Variants in SGPL1 observed in about 807,000 individuals in gnomAD.
SGPL1 encodes the protein SP-lyase 1.
Under a neutral mutation model 68.9 loss-of-function variants are expected in SGPL1, and 37 were observed. The ratio of observed to expected loss-of-function variants is 0.54; its 90% CI spans 0.41 to 0.71. SGPL1 has a LOEUF of 0.71. Among genes scored for constraint, SGPL1 ranks in the 30% least tolerant of loss-of-function variants. The probability of loss-of-function intolerance (pLI) is 0.00; values close to 1 mark genes in which losing one functional copy is unlikely to be tolerated. For missense variants in SGPL1, 551 were observed against 704.6 expected (o/e 0.78, Z 2.47); for synonymous variants, 236 against 248.5 (o/e 0.95, Z 0.47).
intron 13 of SGPL1, among the ~76,000 whole-genome samples, chr10:70,875,850 G>A (rs1011386377): frequency 2.0e-5 from 3 of 152,134 alleles, no homozygotes; most frequent in Non-Finnish European, 2.9e-5. Flanking sequence ...CCATCAAATT[G>A]CTCTTATAAA....
rs74961567 is a variant in SGPL1 at position 70,854,580 on chromosome 10, T to C, written c.262-128T>C. On this transcript the variant is annotated intron_variant, in intron 4 of 14. Coordinates refer to ENST00000373202, the MANE Select transcript of SGPL1 (RefSeq NM_003901.4). ...CAGTCAGAATATCACCATATATCTT[T>C]AGGAAAAATGTTAGTTTAGTTACTT... 1.5e-3 allele frequency: 1,101 copies of C among 741,080 alleles called. 11 individuals are homozygous for C. The African/African-American group carries it at 0.015, about 10-fold the overall frequency. 45.9% of individuals were successfully genotyped at this position (741,080 alleles called of 1,614,324 possible).
intron 2 of SGPL1, among the ~76,000 whole-genome samples, chr10:70,831,729 A>C (rs1409297681): frequency 6.6e-6 from 1 of 152,114 alleles, no homozygotes; most frequent in Admixed American, 6.5e-5. Context: ...GCTTAGTTAC[A>C]TAGGCATGAT....
At chr10:70,871,723 G>A in intron 10 of SGPL1, 114 bp from the exon 11 acceptor site, 1 of 887,798 alleles carries the variant, frequency 1.1e-6, no homozygotes, top group Non-Finnish European at 1.7e-6. Flanking sequence ...AAACATGGGA[G>A]GCATAATACA....
At chr10:70,860,576 G>A in intron 7 of SGPL1, 1 of 393,564 alleles carries the variant, frequency 2.5e-6, no homozygotes, top group South Asian at 2.0e-5. Context: ...AGGTGAACAG[G>A]GTGACTTTCA....
chr10:70,862,597 G>A (rs1589468892), intron 7 of SGPL1, among the ~76,000 whole-genome samples: 1 of 152,136 alleles, frequency 6.6e-6, no homozygotes, highest in Non-Finnish European at 1.5e-5. Context: ...GCTTTTATGA[G>A]CTGTGACACT....
chr10:70,844,589 G>T lies in SGPL1; in HGVS notation c.144G>T (p.Val48=), dbSNP rs754308801. The T allele has an allele frequency of 3.0e-5, 49 of 1,614,146 alleles. No individual in the cohort carries two copies. The highest frequency in any genetic ancestry group is 4.1e-5 in the Non-Finnish European group (48 of 1,180,020). Residue 48 remains valine, a synonymous_variant, in exon 3 of 15, where the codon GTG becomes GTT. Coordinates refer to ENST00000373202, the MANE Select transcript of SGPL1 (RefSeq NM_003901.4). ...EPWQLIAWSV[V]WTLLIVWGYE... is the part of the protein sequence containing the mutation. ...GGCAGCTAATTGCATGGAGTGTCGTGTGGACCCTGCTGATAGTCTGGGGAT... is the reference window on the plus strand; with the variant it reads ...GGCAGCTAATTGCATGGAGTGTCGTTTGGACCCTGCTGATAGTCTGGGGAT...
intron 2 of SGPL1, among the ~76,000 whole-genome samples, chr10:70,841,841 ATCT>A (rs1845719190): frequency 6.6e-6 from 1 of 152,182 alleles, no homozygotes; most frequent in South Asian, 2.1e-4. Context: ...TTCTCAAAAC[ATCT>A]TCTACCTTTT....
rs1274934167 is a variant in SGPL1, at chr10:70,879,043, TCTC to T, written c.*1712_*1714del. 3 of 152,748 alleles carry T rather than the reference TCTC, an allele frequency of 2.0e-5. No individual in the cohort carries two copies. The highest frequency in any genetic ancestry group is 4.8e-5 in the African/African-American group (2 of 41,416). 9.5% of individuals were successfully genotyped at this position (152,748 alleles called of 1,614,324 possible). ...CTTATGACATTATATCTTGTGCCTT[TCTC>T]CTCAGCAGTGAGCAGTGAGCTACTC... On this transcript the variant is annotated 3_prime_UTR_variant, in exon 15 of 15. Transcript: ENST00000373202.
chr10:70,873,136 C>T (rs771026520), intron 11 of SGPL1, among the ~76,000 whole-genome samples: 2 of 152,228 alleles, frequency 1.3e-5, no homozygotes, highest in Admixed American at 6.5e-5. Context: ...CCCTGGGTCT[C>T]AGATTCCTCA....
intron 2 of SGPL1, among the ~76,000 whole-genome samples, chr10:70,838,525 CT>C (rs1845664477): frequency 1.3e-5 from 2 of 152,272 alleles, no homozygotes; most frequent in Admixed American, 1.3e-4. Context: ...GCTCATATTC[CT>C]GACCTCACAA....
intron 2 of SGPL1, among the ~76,000 whole-genome samples, chr10:70,833,517 T>G (rs1417355555): frequency 6.6e-6 from 1 of 152,224 alleles, no homozygotes; most frequent in Non-Finnish European, 1.5e-5. Flanking sequence ...TTGTGATGTG[T>G]TTTTGATGAT....
intron 3 of SGPL1, among the ~76,000 whole-genome samples, chr10:70,848,086 TTCA>T (rs1360219998): frequency 1.3e-5 from 2 of 152,374 alleles, no homozygotes; most frequent in East Asian, 1.9e-4. Context: ...TTGTCCATAA[TTCA>T]TCAACAGAAA....
At chr10:70,834,823 G>A (rs1469144683) in intron 2 of SGPL1, among the ~76,000 whole-genome samples, 3 of 152,182 alleles carry the variant, frequency 2.0e-5, no homozygotes, top group African/African-American at 7.2e-5. Context: ...GGAAAACTAG[G>A]CAGTGGAAAA....
intron 2 of SGPL1, among the ~76,000 whole-genome samples, chr10:70,839,601 A>G (rs1316804237): frequency 6.6e-6 from 1 of 152,172 alleles, no homozygotes; most frequent in Non-Finnish European, 1.5e-5. Context: ...ACAGTAAGCT[A>G]GTGGCCTTTG....
chr10:70,861,369 C>CT (rs1189512166), intron 7 of SGPL1, among the ~76,000 whole-genome samples: 1 of 152,222 alleles, frequency 6.6e-6, no homozygotes. Flanking sequence ...GTTAGGACAA[C>CT]TGATACTCAA....
chr10:70,871,242 T>C (rs999042492), intron 10 of SGPL1, 96 bp downstream of exon 10: 48 of 786,370 alleles, frequency 6.1e-5, no homozygotes, highest in Non-Finnish European at 9.4e-5. Flanking sequence ...GATTTTTTTT[T>C]TGTTTTTGAC....
chr10:70,873,227 G>A, intron 11 of SGPL1, 124 bp from the exon 12 acceptor site: 1 of 769,268 alleles, frequency 1.3e-6, no homozygotes, highest in East Asian at 2.5e-5. Flanking sequence ...CTTAATGTGA[G>A]TGGGAAACAT....
intron 8 of SGPL1, chr10:70,869,403 C>T (rs1395139723): frequency 1.3e-5 from 2 of 154,848 alleles, no homozygotes; most frequent in Non-Finnish European, 2.9e-5. Flanking sequence ...TGCCGGGAAG[C>T]CTTCTTCTCA....
chr10:70,877,228 G>T lies in SGPL1; in HGVS notation c.1600G>T (p.Asp534Tyr). 1 of 1,614,206 alleles carries T rather than the reference G, an allele frequency of 6.2e-7. No homozygotes were observed. The change falls in exon 15 of 15, where the codon GAC (aspartate) becomes TAC (tyrosine). Residue 534 changes from aspartate to tyrosine, a missense_variant. By Grantham distance (160) the Asp-to-Tyr change is radical. Transcript: ENST00000373202. ...AIYGMAQTTV[D>Y]RNMVAELSSV... ...CTATGGCATGGCCCAGACAACTGTTGACAGGAATATGGTTGCAGAATTGTC... is the reference window on the plus strand; with the variant it reads ...CTATGGCATGGCCCAGACAACTGTTTACAGGAATATGGTTGCAGAATTGTC...
Sources: gnomAD v4.1 joint callset for allele counts (sites outside exome capture counted in the v4.1 genomes callset) on GRCh38, gnomAD v4.1.1 for gene constraint, MANE v1.5 for transcripts, NCBI Gene and HGNC (gene_info 2026-07-23, HGNC 2026-07-21) for gene names.